SUMF1: variants seen among roughly 807,000 people sequenced by gnomAD.
SUMF1 encodes the protein formylglycine-generating enzyme.
Under a neutral mutation model 47.6 loss-of-function variants are expected in SUMF1, and 48 were observed. The observed-to-expected ratio is 1.01, with a 90% CI of 0.80 to 1.28. The LOEUF (loss-of-function observed/expected upper bound fraction) is 1.28. Ranked by LOEUF, SUMF1 falls within the 50% of genes most tolerant of loss-of-function variation. The pLI is 0.00. For synonymous variants in SUMF1, 230 were observed against 192.1 expected, an observed-to-expected ratio of 1.20 and a Z score of -1.63; for missense variants, 571 against 485.4, an observed-to-expected ratio of 1.18 and a Z score of -1.66.
chr3:4,363,133 A>T (rs1196627567), intron 8 of SUMF1, among the ~76,000 whole-genome samples: 1 of 152,194 alleles, frequency 6.6e-6, no homozygotes, highest in Admixed American at 6.5e-5. Context: ...ATATATATTA[A>T]TTTTTGAAAT....
chr3:4,399,848 C>T (rs1384330641), intron 7 of SUMF1, among the ~76,000 whole-genome samples: 1 of 152,202 alleles, frequency 6.6e-6, no homozygotes, highest in Non-Finnish European at 1.5e-5. Context: ...ACCTCTGCCT[C>T]CTAGGTTCAA....
At chr3:4,162,786 C>T (rs530065321) in intron 8 of SUMF1, among the ~76,000 whole-genome samples, 3 of 152,056 alleles carry the variant, frequency 2.0e-5, no homozygotes, top group Admixed American at 2.0e-4. Context: ...TGATCACTCA[C>T]CTGATTTTTT....
chr3:4,144,632 T>TAATCC, intron 8 of SUMF1, among the ~76,000 whole-genome samples: 1 of 152,260 alleles, frequency 6.6e-6, no homozygotes, highest in African/African-American at 2.4e-5. Flanking sequence ...TGTTTATTCA[T>TAATCC]AATCCAATCC....
chr3:4,351,366 G>C (rs571550603), intron 8 of SUMF1, among the ~76,000 whole-genome samples: 1 of 152,298 alleles, frequency 6.6e-6, no homozygotes, highest in Non-Finnish European at 1.5e-5. Flanking sequence ...AAGCAAGTAA[G>C]AAACTTTAGC....
At chr3:4,054,378 TTAAAAA>T (rs1695159416) in intron 9 of SUMF1, among the ~76,000 whole-genome samples, 1 of 151,978 alleles carries the variant, frequency 6.6e-6, no homozygotes, top group South Asian at 2.1e-4. Flanking sequence ...GAAAAGAAAA[TTAAAAA>T]TAAAAATGAA....
At chr3:4,268,736 G>C (rs886951517) in intron 8 of SUMF1, among the ~76,000 whole-genome samples, 2 of 151,696 alleles carry the variant, frequency 1.3e-5, no homozygotes, top group African/African-American at 4.8e-5. Context: ...GACTGAACTT[G>C]AACCCGTATC....
intron 8 of SUMF1, among the ~76,000 whole-genome samples, chr3:4,304,955 G>C (rs1017619799): frequency 6.6e-6 from 1 of 151,474 alleles, no homozygotes; most frequent in African/African-American, 2.4e-5. Flanking sequence ...TTCAGAAGGC[G>C]GGGCAACTCA....
At chr3:4,384,670 C>T (rs1293426172) in intron 7 of SUMF1, among the ~76,000 whole-genome samples, 1 of 152,148 alleles carries the variant, frequency 6.6e-6, no homozygotes, top group Non-Finnish European at 1.5e-5. Context: ...CAATCTATCC[C>T]TTATTACTAT....
At chr3:4,265,370 T>C (rs1244041433) in intron 8 of SUMF1, among the ~76,000 whole-genome samples, 1 of 152,148 alleles carries the variant, frequency 6.6e-6, no homozygotes, top group African/African-American at 2.4e-5. Flanking sequence ...CCTATAGTTA[T>C]TTACAACAGT....
chr3:4,040,907 A>G (rs1694896962), intron 9 of SUMF1, among the ~76,000 whole-genome samples: 1 of 152,202 alleles, frequency 6.6e-6, no homozygotes, highest in Non-Finnish European at 1.5e-5. Context: ...CCCCATAACC[A>G]AAAGTGTTCA....
At chr3:4,161,608 G>A (rs955141029) in intron 8 of SUMF1, among the ~76,000 whole-genome samples, 1 of 151,972 alleles carries the variant, frequency 6.6e-6, no homozygotes, top group Non-Finnish European at 1.5e-5. Context: ...AGTACTGCCA[G>A]ACTACCACCA....
intron 8 of SUMF1, among the ~76,000 whole-genome samples, chr3:4,220,245 C>T (rs563564274): frequency 2.0e-5 from 3 of 152,234 alleles, no homozygotes; most frequent in Admixed American, 6.5e-5. Context: ...TGCTGCACTT[C>T]ATACGAGGGG....
intron 8 of SUMF1, among the ~76,000 whole-genome samples, chr3:4,119,425 A>G (rs1693491447): frequency 6.6e-6 from 1 of 152,066 alleles, no homozygotes; most frequent in African/African-American, 2.4e-5. Context: ...CTTAATATAC[A>G]CAGAACCTGT....
intron 1 of SUMF1, 75 bp downstream of exon 1, chr3:4,466,901 G>T: frequency 6.4e-7 from 1 of 1,556,942 alleles, no homozygotes; most frequent in Non-Finnish European, 8.7e-7. Context: ...TCCTACTAGT[G>T]CCTTGCTTTG....
intron 8 of SUMF1, among the ~76,000 whole-genome samples, chr3:4,239,338 G>A (rs528413098): frequency 1.7e-4 from 26 of 152,258 alleles, no homozygotes; most frequent in Admixed American, 4.6e-4. Context: ...GACGGGGATA[G>A]CATTGAATCT....
intron 8 of SUMF1, among the ~76,000 whole-genome samples, chr3:4,253,364 C>A (rs937352708): frequency 6.6e-6 from 1 of 152,196 alleles, no homozygotes; most frequent in African/African-American, 2.4e-5. Context: ...GTTCATCTCA[C>A]TAGGGAGTGC....
intron 8 of SUMF1, among the ~76,000 whole-genome samples, chr3:4,164,342 A>T (rs1467764025): frequency 1.3e-5 from 2 of 152,050 alleles, no homozygotes; most frequent in African/African-American, 4.8e-5. Context: ...GGTTAAACGT[A>T]CCCGGGGCTC....
intron 8 of SUMF1, among the ~76,000 whole-genome samples, chr3:4,329,357 A>T (rs1391574425): frequency 6.6e-6 from 1 of 152,232 alleles, no homozygotes; most frequent in African/African-American, 2.4e-5. Flanking sequence ...CTGCCTGGAC[A>T]TCCAGGCATT....
At position 4,167,279 on chromosome 3, in the gene SUMF1, G is replaced by A. The variant is rs145307319; in HGVS notation, c.1015-98534C>T. 2.2e-3 allele frequency among the ~76,000 whole-genome samples: 326 copies of A among 150,560 alleles called. 2 individuals are homozygous for A. In the East Asian group the frequency reaches 0.023, roughly 11 times the overall value. On this transcript the variant is annotated intron_variant and NMD_transcript_variant, in intron 8 of 12. Transcript: ENST00000448413. ...GGACCCAGGTGGGTTGCTGCTGCTG[G>A]CTGGGGTGGCCAGCTTTTATTCCCT...
Sources: gnomAD v4.1 joint callset for allele counts (sites outside exome capture counted in the v4.1 genomes callset) on GRCh38, gnomAD v4.1.1 for gene constraint, MANE v1.5 for transcripts, NCBI Gene and HGNC (gene_info 2026-07-23, HGNC 2026-07-21) for gene names.